The following HEATR4 variants were observed in gnomAD, a reference collection of about 807,000 sequenced individuals.
HEATR4 encodes the protein HEAT repeat-containing protein 4.
A neutral mutation model predicts 108.8 loss-of-function variants in HEATR4; 95 were observed. The observed-to-expected ratio is 0.87, with a 90% CI of 0.74 to 1.04. The LOEUF (loss-of-function observed/expected upper bound fraction) is 1.04, where lower values mean the gene tolerates loss of function less well. HEATR4 is among the 50% of genes least tolerant of loss of function. The pLI is 0.00. For synonymous variants in HEATR4, 443 were observed against 459.4 expected (o/e 0.96, Z 0.46); for missense variants, 1,152 against 1,253.8 (o/e 0.92, Z 1.23).
At chr14:73,572,541 GAA>G in the HEATR4 span, among the ~76,000 whole-genome samples, 1 of 150,552 alleles carries the variant, frequency 6.6e-6, no homozygotes, top group Non-Finnish European at 1.5e-5. Flanking sequence ...CAGGATACTG[GAA>G]AGAGAGGAAA....
chr14:73,602,837 C>T, the HEATR4 span, among the ~76,000 whole-genome samples: 6 of 152,146 alleles, frequency 3.9e-5, no homozygotes, highest in Non-Finnish European at 7.3e-5. Flanking sequence ...CTGTTTACCT[C>T]TCTTTTAAAT....
chr14:73,537,702 TG>T, intron 1 of HEATR4: 1 of 1,240,756 alleles, frequency 8.1e-7, no homozygotes, highest in South Asian at 1.4e-5. Context: ...GTGCGGCTGG[TG>T]AAGCGCGACG....
At chr14:73,614,320 T>C in the HEATR4 span, among the ~76,000 whole-genome samples, 75 of 152,330 alleles carry the variant, frequency 4.9e-4, no homozygotes, top group African/African-American at 1.7e-3. Context: ...TCTTCAGCAA[T>C]TCTTAGCCTT....
At position 73,554,275 on chromosome 14, in the gene HEATR4, A is replaced by G. The variant is rs943195122; in HGVS notation, c.-152+4476T>C. ...TGGTTGCAGTGAGCCGAGATATTGG[A>G]TTAGGCAGTCAAAAAAACCAAGCAA... On this transcript the variant is annotated intron_variant, in intron 1 of 17. Transcript: ENST00000553558. Among the ~76,000 whole-genome samples, 104 of 115,228 alleles carry G rather than the reference A, an allele frequency of 9.0e-4. 22 individuals are homozygous for G. The highest frequency in any genetic ancestry group is 2.8e-3 in the African/African-American group (100 of 35,818). 75.6% of individuals were successfully genotyped at this position (115,228 alleles called of 152,430 possible).
intron 17 of HEATR4, 73 bp from the exon 18 acceptor site, chr14:73,478,915 G>T: frequency 1.8e-6 from 2 of 1,135,554 alleles, no homozygotes; most frequent in Non-Finnish European, 2.5e-6. Context: ...CCAAGTGAAG[G>T]CCTCTTTGGC....
At chr14:73,495,736 T>G (rs1338525144) in intron 15 of HEATR4, among the ~76,000 whole-genome samples, 6 of 152,278 alleles carry the variant, frequency 3.9e-5, no homozygotes, top group African/African-American at 7.2e-5. Flanking sequence ...ATGAACCTGC[T>G]AAGAATTGCT....
chr14:73,512,664 A>G (rs1185544959), intron 6 of HEATR4, among the ~76,000 whole-genome samples: 2 of 152,182 alleles, frequency 1.3e-5, no homozygotes, highest in Non-Finnish European at 2.9e-5. Flanking sequence ...GGTTCAATAA[A>G]TGTTAACTAT....
At position 73,522,863 on chromosome 14, in the gene HEATR4, T is replaced by G; in HGVS notation, c.290A>C (p.Tyr97Ser). The G allele has an allele frequency of 6.2e-7, 1 of 1,614,152 alleles. No individual in the cohort carries two copies. The highest frequency in any genetic ancestry group is 8.5e-7 in the Non-Finnish European group (1 of 1,180,022). ...PYSQYSFDHL[Y>S]NTNDIIHTPQ... ...AGTATGGATGATGTCATTGGTATTG[T>G]AGAGGTGGTCAAAGCTGTACTGGCT... The change falls in exon 3 of 18, where the codon TAC becomes TCC. Residue 97 changes from tyrosine (Y) to serine (S), a missense_variant. Physicochemically the swap from Tyr to Ser is moderately radical, Grantham distance 144. Transcript: ENST00000553558.
chr14:73,561,088 G>A (rs1454733003), upstream of HEATR4, among the ~76,000 whole-genome samples: 16 of 152,080 alleles, frequency 1.1e-4, no homozygotes, highest in African/African-American at 2.2e-4. Flanking sequence ...GAAATGGGCT[G>A]GGCGTGGTGG....
At position 73,536,499 on chromosome 14, in the gene HEATR4, G is replaced by A. The variant is rs1595152254; in HGVS notation, c.-151-6255C>T. On this transcript the variant is annotated intron_variant, in intron 1 of 17. Coordinates refer to ENST00000553558, the MANE Select transcript of HEATR4 (RefSeq NM_001220484.1). ...CGCTGTACTCCAGACTGGCAACGTAGTGAGACCCTGTCTCTTTAAAAAAAA... is the reference window on the plus strand; with the variant it reads ...CGCTGTACTCCAGACTGGCAACGTAATGAGACCCTGTCTCTTTAAAAAAAA... Among the ~76,000 whole-genome samples the A allele has an allele frequency of 3.6e-5, 3 of 83,174 alleles. No homozygotes were observed. In the Admixed American group the frequency reaches 4.6e-4, roughly 13 times the overall value. 54.6% of individuals were successfully genotyped at this position (83,174 alleles called of 152,430 possible).
intron 5 of HEATR4, among the ~76,000 whole-genome samples, chr14:73,516,635 C>G (rs979426391): frequency 1.3e-5 from 2 of 152,162 alleles, no homozygotes; most frequent in African/African-American, 4.8e-5. Context: ...AAGCTGGGGT[C>G]CCTAACCCCC....
chr14:73,506,804 G>GTTTTTTTTTTGTTTTTTTTTT, intron 9 of HEATR4, among the ~76,000 whole-genome samples: 1 of 80,522 alleles, frequency 1.2e-5, no homozygotes, highest in East Asian at 5.8e-4. Context: ...GACTTTAACT[G>GTTTTTTTTTTGTTTTTTTTTT]TTTTTTTTTT....
chr14:73,597,094 A>ATTTATTTATTTATTTATTTATTTT, the HEATR4 span, among the ~76,000 whole-genome samples: 7 of 149,322 alleles, frequency 4.7e-5, no homozygotes, highest in African/African-American at 1.7e-4. Flanking sequence ...TTATTTATTT[A>ATTTATTTATTTATTTATTTATTTT]TTTTTTTGAG....
chr14:73,502,879 G>A lies in HEATR4; in HGVS notation c.2105+16C>T, dbSNP rs770849626. 5 of 1,585,416 alleles carry A rather than the reference G, an allele frequency of 3.2e-6. No homozygotes were observed. The Admixed American group carries it at 8.3e-5, about 26-fold the overall frequency. The stretch of plus-strand genomic sequence containing the variant: ...AGAATTTAGAAGAGTGTCTCCTCAT[G>A]TTGACTGGGTCTTACCTGATTATGT... On this transcript the variant is annotated intron_variant, in intron 11 of 17. Coordinates refer to ENST00000553558, the MANE Select transcript of HEATR4 (RefSeq NM_001220484.1).
chr14:73,513,964 A>T, intron 6 of HEATR4, 67 bp downstream of exon 6: 1 of 1,493,856 alleles, frequency 6.7e-7, no homozygotes, highest in Non-Finnish European at 9.3e-7. Context: ...AAGACTGAGA[A>T]AGCCTAGTCC....
intron 1 of HEATR4, among the ~76,000 whole-genome samples, chr14:73,533,658 G>A (rs1362044171): frequency 8.9e-6 from 1 of 112,730 alleles, no homozygotes; most frequent in African/African-American, 2.9e-5. Flanking sequence ...CAGCCTGGGG[G>A]GACAGAGCAA....
At chr14:73,519,613 CT>C (rs1887850346) in intron 4 of HEATR4, among the ~76,000 whole-genome samples, 1 of 152,130 alleles carries the variant, frequency 6.6e-6, no homozygotes, top group African/African-American at 2.4e-5. Context: ...GGTACAGCTA[CT>C]CGGGAGGCTG....
chr14:73,592,089 G>A, the HEATR4 span: 1 of 1,490,238 alleles, frequency 6.7e-7, no homozygotes, highest in South Asian at 1.3e-5. Context: ...CGAGAAGGGC[G>A]CGCTCTTCCG....
At chr14:73,601,260 A>G in the HEATR4 span, among the ~76,000 whole-genome samples, 8 of 151,734 alleles carry the variant, frequency 5.3e-5, no homozygotes, top group Non-Finnish European at 1.2e-4. Flanking sequence ...CAAACCAAAC[A>G]TTGGTTATAA....
Sources: allele counts gnomAD v4.1 joint callset (sites outside exome capture counted in the v4.1 genomes callset), GRCh38; gene constraint gnomAD v4.1.1; transcripts MANE v1.5; gene names NCBI Gene and HGNC (gene_info 2026-07-23, HGNC 2026-07-21).